The following RALGPS1 variants were observed in gnomAD, a reference collection of about 807,000 sequenced individuals.
RALGPS1 encodes Ral GEF with PH domain and SH3 binding motif 1.
RALGPS1 carries 19 observed loss-of-function variants against 78.8 expected under a neutral mutation model. The ratio of observed to expected loss-of-function variants is 0.24; its 90% confidence interval spans 0.17 to 0.35. The LOEUF is 0.35. RALGPS1 is among the 10% of genes least tolerant of loss of function. The pLI, the probability that RALGPS1 is intolerant of heterozygous loss-of-function variation, is 1.00. For missense variants in RALGPS1, 454 were observed against 688.3 expected (o/e 0.66, Z 3.81); for synonymous variants, 228 against 256.3 (o/e 0.89, Z 1.06).
chr9:127,159,205 G>T (rs2058874349), intron 8 of RALGPS1, among the ~76,000 whole-genome samples: 2 of 152,102 alleles, frequency 1.3e-5, no homozygotes, highest in Non-Finnish European at 2.9e-5. Flanking sequence ...CCCAGTGCAC[G>T]CTATGCCATC....
At chr9:127,185,383 G>A (rs2060577965) in intron 11 of RALGPS1, among the ~76,000 whole-genome samples, 1 of 152,210 alleles carries the variant, frequency 6.6e-6, no homozygotes, top group African/African-American at 2.4e-5. Flanking sequence ...GCACCCACCT[G>A]GACATCAGGC....
chr9:127,094,029 G>A (rs2052818250), intron 8 of RALGPS1: 4 of 1,345,974 alleles, frequency 3.0e-6, no homozygotes, highest in Non-Finnish European at 4.1e-6. Context: ...GCTCCAGCTG[G>A]GAGCCACAGG....
intron 1 of RALGPS1, among the ~76,000 whole-genome samples, chr9:126,939,703 T>C (rs1243293817): frequency 6.6e-6 from 1 of 152,226 alleles, no homozygotes; most frequent in African/African-American, 2.4e-5. Context: ...TGTCCCTCTC[T>C]GAGAGTGAGT....
chr9:126,927,298 G>A (rs1351576259), intron 1 of RALGPS1, among the ~76,000 whole-genome samples: 1 of 152,124 alleles, frequency 6.6e-6, no homozygotes, highest in African/African-American at 2.4e-5. Context: ...CTGAATTGCT[G>A]GGGAGCGTCA....
At chr9:127,056,363 C>T (rs1350545767) in intron 7 of RALGPS1, among the ~76,000 whole-genome samples, 3 of 152,150 alleles carry the variant, frequency 2.0e-5, no homozygotes, top group African/African-American at 7.2e-5. Flanking sequence ...AGTATTGTGT[C>T]AGGGAGAGAG....
At chr9:127,123,607 C>T (rs975892706) in intron 8 of RALGPS1, among the ~76,000 whole-genome samples, 4 of 152,176 alleles carry the variant, frequency 2.6e-5, no homozygotes, top group African/African-American at 9.7e-5. Context: ...CTATTGGGCT[C>T]TTCTAGGAAC....
intron 1 of RALGPS1, among the ~76,000 whole-genome samples, chr9:126,928,101 C>G (rs2035468976): frequency 6.6e-6 from 1 of 152,198 alleles, no homozygotes; most frequent in Non-Finnish European, 1.5e-5. Context: ...AAGTGCCTGA[C>G]TGAGCTCAGC....
chr9:127,002,108 A>G (rs1290118432), intron 4 of RALGPS1, among the ~76,000 whole-genome samples: 1 of 152,198 alleles, frequency 6.6e-6, no homozygotes, highest in Non-Finnish European at 1.5e-5. Flanking sequence ...AGCACCCCAG[A>G]AGGCTACCTC....
At chr9:126,993,507 G>T (rs1239297777) in intron 4 of RALGPS1, among the ~76,000 whole-genome samples, 1 of 151,128 alleles carries the variant, frequency 6.6e-6, no homozygotes, top group African/African-American at 2.4e-5. Context: ...AGCCACCTAG[G>T]TCTGGAGTTT....
At chr9:127,168,341 T>C (rs1588291491) in intron 9 of RALGPS1, among the ~76,000 whole-genome samples, 1 of 152,344 alleles carries the variant, frequency 6.6e-6, no homozygotes, top group Middle Eastern at 3.4e-3. Context: ...GGCTCTGGTC[T>C]GTTTTGGAGG....
At chr9:127,189,403 G>A (rs1295640904) in intron 11 of RALGPS1, among the ~76,000 whole-genome samples, 1 of 152,152 alleles carries the variant, frequency 6.6e-6, no homozygotes, top group Admixed American at 6.5e-5. Flanking sequence ...TTCCTGAGAA[G>A]GTGCTGGGCA....
At chr9:126,960,266 G>T (rs1193505113) in intron 1 of RALGPS1, among the ~76,000 whole-genome samples, 1 of 127,988 alleles carries the variant, frequency 7.8e-6, no homozygotes, top group Non-Finnish European at 1.6e-5. Context: ...ATGGAATCTT[G>T]CTCTATCACC....
intron 14 of RALGPS1, among the ~76,000 whole-genome samples, chr9:127,200,059 C>T (rs2061550492): frequency 1.3e-5 from 2 of 152,178 alleles, no homozygotes; most frequent in Admixed American, 6.5e-5. Flanking sequence ...CATATAACCA[C>T]ACTGTCACAC....
At chr9:126,916,633 T>C (rs1432938542) in intron 1 of RALGPS1, among the ~76,000 whole-genome samples, 1 of 152,016 alleles carries the variant, frequency 6.6e-6, no homozygotes, top group Non-Finnish European at 1.5e-5. Flanking sequence ...AATACAAAAG[T>C]CAGCCGGGCA....
chr9:127,017,247 T>G (rs1331439559), intron 4 of RALGPS1, among the ~76,000 whole-genome samples: 1 of 152,208 alleles, frequency 6.6e-6, no homozygotes, highest in Non-Finnish European at 1.5e-5. Context: ...TACTATACAT[T>G]TAGGTGATAC....
At position 127,205,786 on chromosome 9, in the gene RALGPS1, T is replaced by TA. The variant is rs2061899925; in HGVS notation, c.1248-6344dup. On this transcript the variant is annotated intron_variant, in intron 14 of 18. Transcript: ENST00000259351. This position sits in a 1 kb window ranked among gnomAD's most constrained non-coding sequence, Gnocchi z 4.0. ...GGATGCCTCCCAGGTTTACATGTGA[T>TA]AGTTTCGCCCAGCCACTGAGCCTCA... Among the ~76,000 whole-genome samples, 1 of 152,214 alleles carries TA rather than the reference T, an allele frequency of 6.6e-6. No homozygotes were observed. Among genetic ancestry groups the TA allele is most frequent in the South Asian group, 2.1e-4 (1 of 4,830 alleles).
intron 1 of RALGPS1, among the ~76,000 whole-genome samples, chr9:126,932,727 CAAA>C (rs1031046872): frequency 6.6e-6 from 1 of 151,772 alleles, no homozygotes; most frequent in Non-Finnish European, 1.5e-5. Context: ...TTTTATAAAA[CAAA>C]AATGTTATAA....
chr9:127,050,254 A>C (rs988400213), intron 6 of RALGPS1, 122 bp downstream of exon 6: 7 of 828,936 alleles, frequency 8.4e-6, no homozygotes, highest in African/African-American at 6.8e-5. Flanking sequence ...GCACAGTTCA[A>C]ACAGGGTGCT....
At chr9:126,948,963 C>T (rs1225373533) in intron 1 of RALGPS1, among the ~76,000 whole-genome samples, 1 of 151,948 alleles carries the variant, frequency 6.6e-6, no homozygotes, top group African/African-American at 2.4e-5. Flanking sequence ...CTATCCCTCC[C>T]CCCTACCCCC....
Sources: allele counts gnomAD v4.1 joint callset (sites outside exome capture counted in the v4.1 genomes callset), GRCh38; gene constraint gnomAD v4.1.1; non-coding constraint Gnocchi (gnomAD v3.1); transcripts MANE v1.5; gene names NCBI Gene and HGNC (gene_info 2026-07-23, HGNC 2026-07-21).